Variants in BIRC6 observed in about 807,000 individuals in gnomAD.
BIRC6 encodes the protein dual E2 ubiquitin-conjugating enzyme/E3 ubiquitin-protein ligase BIRC6.
Under a neutral mutation model 503.3 loss-of-function variants are expected in BIRC6, and 98 were observed. The observed-to-expected ratio is 0.19, with a 90% CI of 0.17 to 0.23. The LOEUF is 0.23. Among genes scored for constraint, BIRC6 ranks in the 10% least tolerant of loss-of-function variants. The pLI is 1.00. For missense variants in BIRC6, 5,360 were observed against 5,806.0 expected (o/e 0.92, Z 2.50); for synonymous variants, 2,240 against 2,078.7 (o/e 1.08, Z -2.11).
chr2:32,404,732 G>A (rs1346672036), intron 8 of BIRC6, among the ~76,000 whole-genome samples: 2 of 151,832 alleles, frequency 1.3e-5, no homozygotes, highest in Non-Finnish European at 2.9e-5. Context: ...CGGGCTCACG[G>A]CTCACTGCAC....
Position 32,525,031 on chromosome 2 carries a change from A to G in BIRC6, c.11755+12A>G, listed in dbSNP as rs202050989. On this transcript the variant is annotated intron_variant, in intron 58 of 73. Transcript: ENST00000421745. ...TGTTGTTGCCTCTGGTATGCTTTCTATTTTTTATAATCTTGATTTTGTTTG... is the reference window on the plus strand; with the variant it reads ...TGTTGTTGCCTCTGGTATGCTTTCTGTTTTTTATAATCTTGATTTTGTTTG... 5 of 1,487,030 alleles carry G rather than the reference A, an allele frequency of 3.4e-6. No individual in the cohort carries two copies. The highest frequency in any genetic ancestry group is 5.5e-5 in the Admixed American group (2 of 36,342). 92.1% of individuals were successfully genotyped at this position (1,487,030 alleles called of 1,614,324 possible).
rs753871595 is a variant in BIRC6 at position 32,464,629 on chromosome 2, A to G, written c.5062A>G (p.Ile1688Val). 6 of 1,613,968 alleles carry G rather than the reference A, an allele frequency of 3.7e-6. No homozygotes were observed. Residue 1688 changes from isoleucine (I) to valine (V), a missense_variant, in exon 25 of 74, where the codon ATT becomes GTT. Physicochemically the swap from Ile to Val is conservative, Grantham distance 29. Around this residue, in one of 16 missense-constraint regions of BIRC6, gnomAD observed 2,299 missense variants for 2,267.2 expected, o/e 1.01. Coordinates refer to ENST00000421745, the MANE Select transcript of BIRC6 (RefSeq NM_016252.4). ...SNPVAAPGFF[I>V]HPSDVIPPTP... is the part of the protein sequence containing the mutation. ...CCCAGTGGCTGCCCCTGGATTCTTC[A>G]TTCATCCATCTGATGTTATTCCACC...
chr2:32,592,946 G>T (rs2061474181), intron 66 of BIRC6, among the ~76,000 whole-genome samples: 1 of 152,076 alleles, frequency 6.6e-6, no homozygotes, highest in African/African-American at 2.4e-5. Flanking sequence ...AGTTCTCTAA[G>T]GCTCCATGAC....
intron 8 of BIRC6, among the ~76,000 whole-genome samples, chr2:32,406,132 G>T (rs1296034357): frequency 1.3e-5 from 2 of 152,062 alleles, no homozygotes; most frequent in Non-Finnish European, 2.9e-5. Context: ...TGGCTCATGC[G>T]TATAATCCCA....
intron 26 of BIRC6, among the ~76,000 whole-genome samples, chr2:32,466,024 GT>G (rs1304318936): frequency 6.6e-6 from 1 of 151,362 alleles, no homozygotes; most frequent in Non-Finnish European, 1.5e-5. Context: ...ACTGTAGTTT[GT>G]TTTTTTATAC....
At chr2:32,504,931 A>C in intron 49 of BIRC6, 74 bp from the exon 50 acceptor site, 1 of 1,298,430 alleles carries the variant, frequency 7.7e-7, no homozygotes. Context: ...GTTTAATTGT[A>C]TTTGTATAGA....
intron 10 of BIRC6, among the ~76,000 whole-genome samples, chr2:32,421,836 T>G (rs1172459409): frequency 6.6e-6 from 1 of 152,248 alleles, no homozygotes; most frequent in Non-Finnish European, 1.5e-5. Context: ...TCGTATAAAT[T>G]TCACTTGTAT....
At chr2:32,390,846 G>C (rs984412531) in intron 4 of BIRC6, among the ~76,000 whole-genome samples, 1 of 152,060 alleles carries the variant, frequency 6.6e-6, no homozygotes, top group African/African-American at 2.4e-5. Context: ...CTTTTTGTTA[G>C]TTAAGTGATT....
chr2:32,594,034 C>A lies in BIRC6; in HGVS notation c.13475C>A (p.Thr4492Asn). The change falls in exon 67 of 74, where the codon ACC becomes AAC. Residue 4492 changes from threonine (T) to asparagine (N), a missense_variant. By Grantham distance (65) the Thr-to-Asn change is moderately conservative. Around this residue, in one of 16 missense-constraint regions of BIRC6, gnomAD observed 477 missense variants for 574.4 expected, o/e 0.83. Coordinates refer to ENST00000421745, the MANE Select transcript of BIRC6 (RefSeq NM_016252.4). ...ACTGCTGAGATAGTTTATGCAGCCA[C>A]CACCAGTTTGCGGCAAGCAAATCAG... ...QKTAEIVYAA[T>N]TSLRQANQEK... is the part of the protein sequence containing the mutation. 6.2e-7 allele frequency: 1 copy of A among 1,611,902 alleles called. No individual in the cohort carries two copies. Among genetic ancestry groups the A allele is most frequent in the Non-Finnish European group, 8.5e-7 (1 of 1,178,942 alleles).
At chr2:32,440,441 A>G (rs6747906) in intron 16 of BIRC6, among the ~76,000 whole-genome samples, 11,854 of 152,188 alleles carry the variant, frequency 0.078, 569 homozygotes, top group Admixed American at 0.15. Context: ...GCTGTGAACC[A>G]TGCAGCTCCT....
chr2:32,548,096 A>C, intron 64 of BIRC6, 82 bp downstream of exon 64: 1 of 1,264,462 alleles, frequency 7.9e-7, no homozygotes, highest in Non-Finnish European at 1.1e-6. Flanking sequence ...AACTAATCCA[A>C]CTTTCCTCAG....
intron 59 of BIRC6, chr2:32,527,427 A>G (rs942146526): frequency 1.3e-5 from 2 of 152,140 alleles, no homozygotes; most frequent in African/African-American, 4.8e-5. Context: ...CTTTAGATCA[A>G]TGAACAGAAA....
chr2:32,465,242 CAGTTCG>C, intron 26 of BIRC6, 78 bp downstream of exon 26: 2 of 452,664 alleles, frequency 4.4e-6, no homozygotes. Flanking sequence ...CATTATTCTT[CAGTTCG>C]ATTTTTTTTT....
chr2:32,493,736 T>G, intron 45 of BIRC6, 69 bp downstream of exon 45: 3 of 1,292,328 alleles, frequency 2.3e-6, no homozygotes, highest in Non-Finnish European at 3.2e-6. Flanking sequence ...ATACTTTTCT[T>G]TAACATTTGT....
At position 32,471,181 on chromosome 2, in the gene BIRC6, G is replaced by A. The variant is rs1007170341; in HGVS notation, c.6592+57G>A. 22 of 1,539,050 alleles carry A rather than the reference G, an allele frequency of 1.4e-5. No individual in the cohort carries two copies. In the African/African-American group the frequency reaches 2.8e-4, roughly 19 times the overall value. The stretch of plus-strand genomic sequence containing the variant: ...CAGAAGTTTATAATAATATGTTGGT[G>A]GGGATTTTGAGTGACTTCGCAGTTG... On this transcript the variant is annotated intron_variant, in intron 32 of 73. Transcript: ENST00000421745.
At chr2:32,502,519 T>TTTA (rs1316560139) in intron 47 of BIRC6, among the ~76,000 whole-genome samples, 1 of 152,182 alleles carries the variant, frequency 6.6e-6, no homozygotes. Flanking sequence ...GTACTTTAAA[T>TTTA]GGTTCAAATT....
At chr2:32,360,189 C>T (rs957345616) in intron 1 of BIRC6, among the ~76,000 whole-genome samples, 12 of 152,028 alleles carry the variant, frequency 7.9e-5, no homozygotes. Context: ...CTTATGGACG[C>T]CTGGGGTTCA....
At position 32,369,945 on chromosome 2, in the gene BIRC6, A is replaced by AATAT. The variant is rs67839399; in HGVS notation, c.326-7606_326-7603dup. 1.4e-3 allele frequency among the ~76,000 whole-genome samples: 62 copies of AATAT among 44,148 alleles called. 1 individual carries two copies. Among genetic ancestry groups the AATAT allele is most frequent in the South Asian group, 2.5e-3 (3 of 1,194 alleles). 29.0% of individuals were successfully genotyped at this position (44,148 alleles called of 152,430 possible). On this transcript the variant is annotated intron_variant, in intron 1 of 73. Transcript: ENST00000421745. Reference sequence around the variant, plus strand: ...GTCTCTTAAAAAAAAAAAAAAAAAAAATATATATATATATATATATATATA... The same window carrying AATAT: ...GTCTCTTAAAAAAAAAAAAAAAAAAAATATATATATATATATATATATATATATA...
intron 3 of BIRC6, among the ~76,000 whole-genome samples, chr2:32,384,079 GTGT>G (rs760005500): frequency 1.3e-5 from 2 of 152,208 alleles, no homozygotes; most frequent in African/African-American, 2.4e-5. Context: ...TTCAATGGAA[GTGT>G]TGTTGTACCC....
Sources: allele counts gnomAD v4.1 joint callset (sites outside exome capture counted in the v4.1 genomes callset), GRCh38; gene constraint gnomAD v4.1.1; regional missense constraint gnomAD v4.1.1; transcripts MANE v1.5; gene names NCBI Gene and HGNC (gene_info 2026-07-23, HGNC 2026-07-21).